ZDHHC15: variants seen among roughly 807,000 people sequenced by gnomAD.
ZDHHC15 encodes the protein palmitoyltransferase ZDHHC15.
ZDHHC15 carries 19 observed loss-of-function variants against 31.7 expected under a neutral mutation model. The observed-to-expected ratio is 0.60, with a 90% CI of 0.42 to 0.88. The LOEUF (loss-of-function observed/expected upper bound fraction) is 0.88, where lower values mean the gene tolerates loss of function less well. ZDHHC15 is among the 40% of genes least tolerant of loss of function. The pLI, the probability that ZDHHC15 is intolerant of heterozygous loss-of-function variation, is 0.00. For missense variants in ZDHHC15, 209 were observed against 251.2 expected (o/e 0.83, Z 1.14); for synonymous variants, 103 against 90.0 (o/e 1.14, Z -0.82).
chrX:75,421,422 A>T (rs779570485), intron 9 of ZDHHC15, among the ~76,000 whole-genome samples: 7 of 54,571 alleles, frequency 1.3e-4, no homozygotes, highest in Admixed American at 2.7e-4. Context: ...ATATATATAT[A>T]ATATATATAT....
At chrX:75,399,603 C>T (rs1432787573) in intron 10 of ZDHHC15, among the ~76,000 whole-genome samples, 1 of 111,798 alleles carries the variant, frequency 8.9e-6, no homozygotes, top group Non-Finnish European at 1.9e-5. Flanking sequence ...ATCTCCTCCT[C>T]TGCTGCCTCT....
intron 4 of ZDHHC15, among the ~76,000 whole-genome samples, chrX:75,437,507 A>G (rs2083875626): frequency 1.2e-5 from 1 of 85,221 alleles, no homozygotes; most frequent in Admixed American, 1.4e-4. Flanking sequence ...TCATTGTTCA[A>G]TTCCCACCTA....
intron 10 of ZDHHC15, among the ~76,000 whole-genome samples, chrX:75,404,726 A>C (rs962064354): frequency 1.8e-5 from 2 of 112,031 alleles, no homozygotes; most frequent in Non-Finnish European, 3.8e-5. Flanking sequence ...GTCAAAAAAT[A>C]ACAGATGCTG....
intron 3 of ZDHHC15, among the ~76,000 whole-genome samples, chrX:75,459,604 G>A (rs752202781): frequency 9.0e-6 from 1 of 111,352 alleles, no homozygotes; most frequent in African/African-American, 3.3e-5. Context: ...ACTGGGTGGA[G>A]CCTGTCTGTG....
intron 2 of ZDHHC15, among the ~76,000 whole-genome samples, chrX:75,490,863 G>C (rs1263273221): frequency 9.0e-6 from 1 of 111,670 alleles, no homozygotes; most frequent in East Asian, 2.8e-4. Flanking sequence ...CTTTGCTGAA[G>C]CTTATGAAAA....
intron 4 of ZDHHC15, among the ~76,000 whole-genome samples, chrX:75,449,979 C>T (rs1371077702): frequency 9.0e-6 from 1 of 111,724 alleles, no homozygotes; most frequent in African/African-American, 3.2e-5. Context: ...TGTCTTTGCA[C>T]AGATACTTAT....
intron 9 of ZDHHC15, among the ~76,000 whole-genome samples, chrX:75,420,432 T>C (rs1240512051): frequency 1.3e-4 from 15 of 111,524 alleles, no homozygotes; most frequent in Non-Finnish European, 3.8e-5. Flanking sequence ...AAATACCATT[T>C]GACCCAGCCA....
At chrX:75,489,866 T>A (rs764669513) in intron 2 of ZDHHC15, among the ~76,000 whole-genome samples, 2 of 111,394 alleles carry the variant, frequency 1.8e-5, no homozygotes, top group South Asian at 7.6e-4. Context: ...AAAGGCTAAC[T>A]AGAATAACCA....
At chrX:75,457,909 C>G (rs1191372485) in intron 3 of ZDHHC15, among the ~76,000 whole-genome samples, 3 of 111,030 alleles carry the variant, frequency 2.7e-5, no homozygotes, top group Admixed American at 1.9e-4. Context: ...ATGCAAATAC[C>G]ATGCCATTTC....
chrX:75,401,721 G>A (rs1439664357), intron 10 of ZDHHC15, among the ~76,000 whole-genome samples: 1 of 111,832 alleles, frequency 8.9e-6, no homozygotes, highest in Non-Finnish European at 1.9e-5. Context: ...ACCCAACACA[G>A]GAGTATCCAG....
intron 10 of ZDHHC15, among the ~76,000 whole-genome samples, chrX:75,406,958 A>G (rs753820092): frequency 2.7e-5 from 3 of 112,093 alleles, no homozygotes; most frequent in Non-Finnish European, 5.6e-5. Flanking sequence ...ACTGAACTCA[A>G]TCACAAATTT....
chrX:75,497,933 CT>C (rs1229705652), intron 2 of ZDHHC15, among the ~76,000 whole-genome samples: 64 of 87,791 alleles, frequency 7.3e-4, no homozygotes, highest in African/African-American at 1.4e-3. Context: ...AGGATGCCCA[CT>C]TTTTTTTTTT....
chrX:75,374,732 T>C (rs1342572339), intron 11 of ZDHHC15, among the ~76,000 whole-genome samples: 5 of 107,714 alleles, frequency 4.6e-5, no homozygotes, highest in Non-Finnish European at 5.7e-5. Flanking sequence ...ATACTACTCA[T>C]CAATAAAAAG....
intron 2 of ZDHHC15, among the ~76,000 whole-genome samples, chrX:75,488,507 A>T (rs1289839927): frequency 8.9e-6 from 1 of 112,653 alleles, no homozygotes; most frequent in East Asian, 2.8e-4. Context: ...CTCTACAAGA[A>T]ATGTTAAAAG....
At chrX:75,469,738 A>G (rs1325091588) in intron 3 of ZDHHC15, among the ~76,000 whole-genome samples, 2 of 111,710 alleles carry the variant, frequency 1.8e-5, no homozygotes, top group Non-Finnish European at 3.8e-5. Context: ...GTATAAACCC[A>G]AAAGTGGAAT....
chrX:75,463,165 T>G (rs1258547441), intron 3 of ZDHHC15, among the ~76,000 whole-genome samples: 2 of 110,496 alleles, frequency 1.8e-5, no homozygotes, highest in African/African-American at 6.6e-5. Context: ...AAATTTAGAA[T>G]AAATTCCGGG....
At chrX:75,445,449 T>G (rs750565809) in intron 4 of ZDHHC15, among the ~76,000 whole-genome samples, 12 of 112,088 alleles carry the variant, frequency 1.1e-4, no homozygotes, top group Admixed American at 4.7e-4. Flanking sequence ...TTTAACATTT[T>G]TGAAAAACAA....
chrX:75,438,737 T>C (rs2083897682), intron 4 of ZDHHC15, among the ~76,000 whole-genome samples: 1 of 111,771 alleles, frequency 8.9e-6, no homozygotes, highest in Admixed American at 9.5e-5. Context: ...ATTGTGTTTT[T>C]GTTTTATAAC....
chrX:75,437,938 A>G (rs1348283018), intron 4 of ZDHHC15, among the ~76,000 whole-genome samples: 1 of 110,978 alleles, frequency 9.0e-6, no homozygotes, highest in Non-Finnish European at 1.9e-5. Flanking sequence ...ACAAGAAAAA[A>G]ACAAACAACC....
Sources: gnomAD v4.1 joint callset for allele counts (sites outside exome capture counted in the v4.1 genomes callset) on GRCh38, gnomAD v4.1.1 for gene constraint, MANE v1.5 for transcripts, NCBI Gene and HGNC (gene_info 2026-07-23, HGNC 2026-07-21) for gene names.